EXOC6B: variants seen among roughly 807,000 people sequenced by gnomAD.
EXOC6B encodes exocyst complex component 6B, also known as SEC15 homolog B.
A neutral mutation model predicts 113.5 loss-of-function variants in EXOC6B; 54 were observed. That is an observed-to-expected ratio of 0.48 (90% CI 0.38 to 0.60). The LOEUF (loss-of-function observed/expected upper bound fraction) is 0.60, where lower values mean the gene tolerates loss of function less well. EXOC6B is among the 20% of genes least tolerant of loss of function. The probability of loss-of-function intolerance (pLI) is 0.00; values close to 1 mark genes in which losing one functional copy is unlikely to be tolerated. For synonymous variants in EXOC6B, 357 were observed against 339.0 expected (o/e 1.05, Z -0.58); for missense variants, 797 against 977.5 (o/e 0.82, Z 2.46).
intron 1 of EXOC6B, among the ~76,000 whole-genome samples, chr2:72,814,734 G>C (rs1686124665): frequency 6.6e-6 from 1 of 152,232 alleles, no homozygotes; most frequent in East Asian, 1.9e-4. Flanking sequence ...GCTCACGCCT[G>C]TAATCCCAGC....
At chr2:72,760,008 C>T (rs1307002625) in intron 1 of EXOC6B, among the ~76,000 whole-genome samples, 1 of 152,126 alleles carries the variant, frequency 6.6e-6, no homozygotes, top group Non-Finnish European at 1.5e-5. Context: ...TTGATTCACA[C>T]CATGTGTCAG....
Position 72,427,782 on chromosome 2 carries a change from G to T in EXOC6B, c.1980+37378C>A, listed in dbSNP as rs543425663. On this transcript the variant is annotated intron_variant, in intron 18 of 21. Coordinates refer to ENST00000272427, the MANE Select transcript of EXOC6B (RefSeq NM_015189.3). The stretch of plus-strand genomic sequence containing the variant: ...AGGCCAGGGAGGCACTGAAGGCTGG[G>T]GGCTAGGCTGGCAGTCCCACAGACC... Among the ~76,000 whole-genome samples the T allele has an allele frequency of 2.0e-5, 3 of 152,262 alleles. No homozygotes were observed. The South Asian group carries it at 6.2e-4, about 32-fold the overall frequency.
chr2:72,573,682 A>C (rs1704646896), intron 7 of EXOC6B, among the ~76,000 whole-genome samples: 1 of 152,246 alleles, frequency 6.6e-6, no homozygotes, highest in African/African-American at 2.4e-5. Flanking sequence ...GAAACTTTCA[A>C]GCATTATTAA....
At chr2:72,217,472 T>C (rs1281183805) in intron 20 of EXOC6B, among the ~76,000 whole-genome samples, 1 of 151,996 alleles carries the variant, frequency 6.6e-6, no homozygotes, top group East Asian at 1.9e-4. Context: ...TAAAAAAAGG[T>C]ACATTCAGAG....
chr2:72,732,386 T>C (rs1680700846), intron 3 of EXOC6B, among the ~76,000 whole-genome samples: 1 of 152,072 alleles, frequency 6.6e-6, no homozygotes, highest in Non-Finnish European at 1.5e-5. Flanking sequence ...GGTCTCAAAC[T>C]CCTGGCCTCA....
chr2:72,235,637 A>C (rs1258070062), intron 20 of EXOC6B, among the ~76,000 whole-genome samples: 2 of 151,542 alleles, frequency 1.3e-5, no homozygotes, highest in African/African-American at 4.9e-5. Context: ...TGAGTGAAAC[A>C]TAAGAATAGG....
intron 20 of EXOC6B, among the ~76,000 whole-genome samples, chr2:72,230,664 T>C (rs961238076): frequency 6.6e-6 from 1 of 152,204 alleles, no homozygotes; most frequent in Non-Finnish European, 1.5e-5. Context: ...GTGAAAAGCT[T>C]ACAATAGCTG....
chr2:72,298,630 T>C (rs1686303452), intron 20 of EXOC6B, among the ~76,000 whole-genome samples: 1 of 152,232 alleles, frequency 6.6e-6, no homozygotes, highest in Non-Finnish European at 1.5e-5. Flanking sequence ...GTACCAGTTG[T>C]TCCTTTCCAT....
At chr2:72,652,081 A>G (rs1244322443) in intron 6 of EXOC6B, among the ~76,000 whole-genome samples, 1 of 152,034 alleles carries the variant, frequency 6.6e-6, no homozygotes, top group Non-Finnish European at 1.5e-5. Context: ...ATTAGTCAAT[A>G]TTTTTACTTT....
intron 2 of EXOC6B, 100 bp downstream of exon 2, chr2:72,741,204 C>A: frequency 8.7e-7 from 1 of 1,149,830 alleles, no homozygotes; most frequent in Non-Finnish European, 1.2e-6. Context: ...CAAAAATCTT[C>A]ACTACAAATA....
chr2:72,416,246 A>G (rs3115351), intron 18 of EXOC6B, among the ~76,000 whole-genome samples: 53,584 of 152,132 alleles, frequency 0.35, 15,128 homozygotes, highest in African/African-American at 0.79. Flanking sequence ...TTCTCTCATC[A>G]AGAGAGCCAG....
intron 18 of EXOC6B, among the ~76,000 whole-genome samples, chr2:72,427,020 G>T (rs759114403): frequency 6.6e-5 from 10 of 152,200 alleles, no homozygotes; most frequent in Non-Finnish European, 1.3e-4. Context: ...CCAGACCCTG[G>T]CTCTGCTCAC....
chr2:72,474,171 C>T (rs1192012873), intron 17 of EXOC6B, among the ~76,000 whole-genome samples: 3 of 151,890 alleles, frequency 2.0e-5, no homozygotes, highest in Non-Finnish European at 4.4e-5. Context: ...TAACTAGATG[C>T]TTTTCTCTTG....
chr2:72,364,407 T>C (rs1354467704), intron 19 of EXOC6B, among the ~76,000 whole-genome samples: 1 of 152,166 alleles, frequency 6.6e-6, no homozygotes, highest in Non-Finnish European at 1.5e-5. Context: ...ACTGCTGATA[T>C]TATGGTTATT....
chr2:72,493,698 G>A (rs1171909085), intron 15 of EXOC6B, among the ~76,000 whole-genome samples: 1 of 151,948 alleles, frequency 6.6e-6, no homozygotes, highest in African/African-American at 2.4e-5. Flanking sequence ...CCATGTGTTT[G>A]CTATTTTAAA....
intron 5 of EXOC6B, among the ~76,000 whole-genome samples, chr2:72,727,398 T>C (rs1346164762): frequency 6.6e-6 from 1 of 151,968 alleles, no homozygotes; most frequent in Non-Finnish European, 1.5e-5. Flanking sequence ...TCAAAAGTAA[T>C]AAAGTCATGA....
chr2:72,494,135 T>C (rs1699907751), intron 15 of EXOC6B, among the ~76,000 whole-genome samples: 1 of 152,088 alleles, frequency 6.6e-6, no homozygotes, highest in Non-Finnish European at 1.5e-5. Flanking sequence ...GGCAAAAACT[T>C]CACATATTCA....
At chr2:72,650,159 G>C (rs1383885005) in intron 6 of EXOC6B, among the ~76,000 whole-genome samples, 1 of 152,194 alleles carries the variant, frequency 6.6e-6, no homozygotes, top group Non-Finnish European at 1.5e-5. Flanking sequence ...AGGGATCTAG[G>C]TTGTGTGCTC....
At chr2:72,586,083 T>C (rs1032400105) in intron 6 of EXOC6B, among the ~76,000 whole-genome samples, 1 of 152,112 alleles carries the variant, frequency 6.6e-6, no homozygotes, top group South Asian at 2.1e-4. Context: ...GTCTTTCACA[T>C]ATACAAAAAT....
Sources: gnomAD v4.1 joint callset for allele counts (sites outside exome capture counted in the v4.1 genomes callset) on GRCh38, gnomAD v4.1.1 for gene constraint, MANE v1.5 for transcripts, NCBI Gene and HGNC (gene_info 2026-07-23, HGNC 2026-07-21) for gene names.